MARCHF5: variants seen among roughly 807,000 people sequenced by gnomAD.
The protein encoded by MARCHF5 is membrane associated ring-CH-type finger 5, also known as E3 ubiquitin-protein ligase MARCHF5.
MARCHF5 carries 5 observed loss-of-function variants against 36.5 expected under a neutral mutation model. That is an observed-to-expected ratio of 0.14 (90% CI 0.07 to 0.29). The LOEUF is 0.29. Among genes scored for constraint, MARCHF5 ranks in the 10% least tolerant of loss-of-function variants. MARCHF5 has a pLI of 1.00. For synonymous variants in MARCHF5, 103 were observed against 109.9 expected (o/e 0.94, Z 0.39); for missense variants, 179 against 336.3 (o/e 0.53, Z 3.66).
At chr10:92,349,282 T>TA in intron 3 of MARCHF5, 67 bp from the exon 4 acceptor site, 1 of 1,189,608 alleles carries the variant, frequency 8.4e-7, no homozygotes, top group Non-Finnish European at 1.2e-6. Context: ...ATTAAAAAAA[T>TA]AGAGCTTAAC....
chr10:92,302,120 A>G (rs1564942924), intron 1 of MARCHF5, among the ~76,000 whole-genome samples: 1 of 152,096 alleles, frequency 6.6e-6, no homozygotes, highest in African/African-American at 2.4e-5. Context: ...CTGTATTGTT[A>G]TGAAATAATA....
intron 1 of MARCHF5, among the ~76,000 whole-genome samples, chr10:92,294,026 A>G (rs2135171669): frequency 6.6e-6 from 1 of 152,150 alleles, no homozygotes; most frequent in East Asian, 1.9e-4. Context: ...ATTTCAGAAT[A>G]TGCATGGATG....
Position 92,294,717 on chromosome 10 carries a change from T to C in MARCHF5, c.35+3188T>C, listed in dbSNP as rs544007560. 5.3e-5 allele frequency among the ~76,000 whole-genome samples: 8 copies of C among 152,318 alleles called. No individual in the cohort carries two copies. In the East Asian group the frequency reaches 1.5e-3, roughly 29 times the overall value. On this transcript the variant is annotated intron_variant, in intron 1 of 5. Transcript: ENST00000358935. ...GACTAAGGAACTGTGTGTTACATATTGTTCTGTTGCTTTTAGGTTAAGTTA... is the reference window on the plus strand; with the variant it reads ...GACTAAGGAACTGTGTGTTACATATCGTTCTGTTGCTTTTAGGTTAAGTTA...
chr10:92,324,075 T>C (rs1330382407), intron 2 of MARCHF5, among the ~76,000 whole-genome samples: 1 of 152,374 alleles, frequency 6.6e-6, no homozygotes, highest in East Asian at 1.9e-4. Context: ...GTGTTTTTGA[T>C]TTGGGTCATT....
intron 2 of MARCHF5, among the ~76,000 whole-genome samples, chr10:92,319,291 A>G (rs1440631015): frequency 7.2e-6 from 1 of 138,368 alleles, no homozygotes; most frequent in African/African-American, 2.6e-5. Flanking sequence ...TTATGTATCT[A>G]CTTTACTTTT....
At chr10:92,319,980 T>C (rs1330869611) in intron 2 of MARCHF5, among the ~76,000 whole-genome samples, 1 of 149,422 alleles carries the variant, frequency 6.7e-6, no homozygotes. Context: ...CTTTTCTTTT[T>C]TTTTTTTTTG....
chr10:92,335,687 A>G (rs893685841), intron 2 of MARCHF5, among the ~76,000 whole-genome samples: 5 of 152,202 alleles, frequency 3.3e-5, no homozygotes, highest in African/African-American at 1.2e-4. Context: ...AAATATGAAG[A>G]CTTTTTTTTC....
chr10:92,336,630 C>CATTG (rs1342318089), intron 2 of MARCHF5, among the ~76,000 whole-genome samples: 2 of 151,892 alleles, frequency 1.3e-5, no homozygotes, highest in African/African-American at 4.8e-5. Context: ...GGGTGGGCTT[C>CATTG]ATTGAGGTCA....
intron 2 of MARCHF5, among the ~76,000 whole-genome samples, chr10:92,327,658 C>T (rs1843382021): frequency 6.6e-6 from 1 of 152,324 alleles, no homozygotes; most frequent in South Asian, 2.1e-4. Flanking sequence ...TCCCCATTGC[C>T]TTTGCCAACA....
At chr10:92,318,854 C>A (rs1387793795) in intron 2 of MARCHF5, among the ~76,000 whole-genome samples, 1 of 151,778 alleles carries the variant, frequency 6.6e-6, no homozygotes, top group Non-Finnish European at 1.5e-5. Context: ...TTACAGGCAC[C>A]CACCACCAAG....
intron 3 of MARCHF5, among the ~76,000 whole-genome samples, chr10:92,341,777 A>G (rs1481760801): frequency 7.5e-6 from 1 of 133,354 alleles, no homozygotes; most frequent in Admixed American, 7.6e-5. Flanking sequence ...TATAGTTTAC[A>G]TCCTTTTTTT....
chr10:92,307,307 T>C (rs1029350201), intron 1 of MARCHF5, among the ~76,000 whole-genome samples: 4 of 152,176 alleles, frequency 2.6e-5, no homozygotes, highest in African/African-American at 9.6e-5. Context: ...AAGACATTTG[T>C]GTGACCATTT....
chr10:92,327,063 T>C (rs1260680649), intron 2 of MARCHF5, among the ~76,000 whole-genome samples: 1 of 152,034 alleles, frequency 6.6e-6, no homozygotes, highest in African/African-American at 2.4e-5. Context: ...TTACACAGAA[T>C]CTACAAACGT....
Position 92,297,535 on chromosome 10 carries a change from C to G in MARCHF5, c.35+6006C>G, listed in dbSNP as rs542823717. On this transcript the variant is annotated intron_variant, in intron 1 of 5. Transcript: ENST00000358935. The stretch of plus-strand genomic sequence containing the variant: ...ACAGAGTCTCACCCTGCCACCCAAG[C>G]TGGAGTGCAATGGCGTGGTCTCGGC... Among the ~76,000 whole-genome samples the G allele has an allele frequency of 1.1e-3, 156 of 144,712 alleles. 4 individuals carry two copies. In the South Asian group the frequency reaches 0.034, roughly 31 times the overall value. 94.9% of individuals were successfully genotyped at this position (144,712 alleles called of 152,430 possible).
At chr10:92,317,752 CTTTT>C (rs61127922) in intron 2 of MARCHF5, among the ~76,000 whole-genome samples, 2 of 135,118 alleles carry the variant, frequency 1.5e-5, no homozygotes, top group Non-Finnish European at 1.6e-5. Flanking sequence ...AATCTGAATG[CTTTT>C]TTTTTTTTTT....
chr10:92,346,884 A>C (rs1170711759), intron 3 of MARCHF5, among the ~76,000 whole-genome samples: 1 of 152,118 alleles, frequency 6.6e-6, no homozygotes, highest in East Asian at 1.9e-4. Context: ...CTATACCTGA[A>C]TATTCACTCT....
At position 92,291,362 on chromosome 10, in the gene MARCHF5, C is replaced by G; in HGVS notation, c.-133C>G. The G allele has an allele frequency of 1.2e-6, 1 of 813,108 alleles. No individual in the cohort carries two copies. The allele number at this position is 813,108 out of a possible 1,614,324, so 50.4% of individuals were successfully genotyped here. ...CGCCGCCAGGCTAGCGGAGCTGCCC[C>G]GGGAAGCTGGGTGACGGGTTCGCGG... On this transcript the variant is annotated 5_prime_UTR_variant, in exon 1 of 6. Transcript: ENST00000358935.
intron 1 of MARCHF5, among the ~76,000 whole-genome samples, chr10:92,307,094 C>T (rs1311301629): frequency 2.6e-5 from 4 of 152,070 alleles, no homozygotes; most frequent in Non-Finnish European, 5.9e-5. Context: ...GCAGGAGGAT[C>T]ACCTGAGCCC....
intron 1 of MARCHF5, chr10:92,308,692 C>A (rs1843107710): frequency 7.3e-6 from 1 of 136,082 alleles, no homozygotes; most frequent in Non-Finnish European, 1.5e-5. Context: ...TAAGTGCGTG[C>A]GTTGTTTGTT....
Sources: gnomAD v4.1 joint callset for allele counts (sites outside exome capture counted in the v4.1 genomes callset) on GRCh38, gnomAD v4.1.1 for gene constraint, MANE v1.5 for transcripts, NCBI Gene and HGNC (gene_info 2026-07-23, HGNC 2026-07-21) for gene names.